The following CCDC192 variants were observed in gnomAD, a reference collection of about 807,000 sequenced individuals.
CCDC192 encodes coiled-coil domain containing 192.
intron 6 of CCDC192, among the ~76,000 whole-genome samples, chr5:127,895,296 T>C (rs961587460): frequency 5.3e-5 from 8 of 152,180 alleles, no homozygotes; most frequent in Admixed American, 2.0e-4. Flanking sequence ...AGGCCGATTC[T>C]GCTTACTGAC....
intron 3 of CCDC192, among the ~76,000 whole-genome samples, chr5:127,758,280 T>TAG (rs1355126505): frequency 6.6e-6 from 1 of 152,100 alleles, no homozygotes; most frequent in African/African-American, 2.4e-5. Flanking sequence ...GGTCCACTGT[T>TAG]ACAAAGAAAA....
At chr5:127,861,098 T>C (rs763629243) in intron 5 of CCDC192, among the ~76,000 whole-genome samples, 5 of 152,008 alleles carry the variant, frequency 3.3e-5, no homozygotes, top group Non-Finnish European at 5.9e-5. Context: ...AACCTTCACC[T>C]TTCGGGTTCA....
At chr5:127,846,409 C>A (rs2127074406) in intron 5 of CCDC192, among the ~76,000 whole-genome samples, 1 of 152,188 alleles carries the variant, frequency 6.6e-6, no homozygotes, top group East Asian at 1.9e-4. Context: ...CGTTTTCACC[C>A]CACACACCCC....
At chr5:127,803,831 T>A (rs1021332880) in intron 5 of CCDC192, among the ~76,000 whole-genome samples, 1 of 152,232 alleles carries the variant, frequency 6.6e-6, no homozygotes, top group African/African-American at 2.4e-5. Flanking sequence ...TCAAGTGTGA[T>A]GTTATTCTCT....
chr5:127,792,739 G>T (rs1184615044), intron 3 of CCDC192, among the ~76,000 whole-genome samples: 1 of 150,634 alleles, frequency 6.6e-6, no homozygotes, highest in Admixed American at 6.6e-5. Context: ...GGAGGAGAAG[G>T]AAAAGGAGAA....
chr5:127,775,954 T>C (rs1561481889), intron 3 of CCDC192, among the ~76,000 whole-genome samples: 2 of 152,240 alleles, frequency 1.3e-5, no homozygotes, highest in Non-Finnish European at 2.9e-5. Flanking sequence ...TGTGAGTCCA[T>C]GAAACCTCTT....
At chr5:127,809,313 A>G (rs1315048247) in intron 5 of CCDC192, among the ~76,000 whole-genome samples, 1 of 152,222 alleles carries the variant, frequency 6.6e-6, no homozygotes, top group Non-Finnish European at 1.5e-5. Context: ...ATCAGGAAAA[A>G]AAATAGAATA....
chr5:127,915,581 C>T (rs1753497099), intron 6 of CCDC192, among the ~76,000 whole-genome samples: 1 of 152,194 alleles, frequency 6.6e-6, no homozygotes, highest in Non-Finnish European at 1.5e-5. Context: ...CAGGGTTTCA[C>T]CATGTTGGCC....
chr5:127,798,624 T>C (rs1436190322), intron 5 of CCDC192, among the ~76,000 whole-genome samples: 1 of 152,138 alleles, frequency 6.6e-6, no homozygotes, highest in Admixed American at 6.6e-5. Context: ...GGCCTGGGAA[T>C]TTGCACTTTT....
chr5:127,872,059 C>A (rs1751886665), intron 5 of CCDC192, among the ~76,000 whole-genome samples: 1 of 152,046 alleles, frequency 6.6e-6, no homozygotes, highest in Admixed American at 6.6e-5. Flanking sequence ...ATGTCTATGA[C>A]TAATAAAAAA....
At chr5:127,714,467 C>T (rs1413243717) in intron 2 of CCDC192, among the ~76,000 whole-genome samples, 1 of 152,176 alleles carries the variant, frequency 6.6e-6, no homozygotes, top group Non-Finnish European at 1.5e-5. Flanking sequence ...TGGCTCACTG[C>T]AACCTCTGCC....
chr5:127,745,957 A>C (rs1030497599), intron 2 of CCDC192, among the ~76,000 whole-genome samples: 4 of 151,492 alleles, frequency 2.6e-5, no homozygotes, highest in African/African-American at 7.3e-5. Flanking sequence ...CCACATATCC[A>C]CCTCCCAGAC....
At chr5:127,713,821 A>G (rs1014646441) in intron 2 of CCDC192, among the ~76,000 whole-genome samples, 10 of 152,216 alleles carry the variant, frequency 6.6e-5, no homozygotes, top group African/African-American at 2.4e-4. Flanking sequence ...TAGCATATCT[A>G]TTACGTCAGA....
intron 5 of CCDC192, among the ~76,000 whole-genome samples, chr5:127,840,442 C>T (rs1750230542): frequency 6.6e-6 from 1 of 152,122 alleles, no homozygotes; most frequent in Non-Finnish European, 1.5e-5. Context: ...AGCACATTTG[C>T]AGTCTTTTTT....
At chr5:127,912,321 C>T (rs1043286139) in intron 6 of CCDC192, among the ~76,000 whole-genome samples, 1 of 145,850 alleles carries the variant, frequency 6.9e-6, no homozygotes, top group Admixed American at 7.1e-5. Context: ...AGTAGCCTCC[C>T]CTTAAAGCAT....
intron 5 of CCDC192, among the ~76,000 whole-genome samples, chr5:127,845,453 C>T (rs183695920): frequency 1.1e-4 from 16 of 152,168 alleles, no homozygotes; most frequent in Admixed American, 9.8e-4. Context: ...AGTAATAGGA[C>T]GAGGAAACCA....
At chr5:127,841,339 C>T (rs543816622) in intron 5 of CCDC192, among the ~76,000 whole-genome samples, 1 of 152,312 alleles carries the variant, frequency 6.6e-6, no homozygotes, top group East Asian at 1.9e-4. Flanking sequence ...AAGTGCATTA[C>T]TTTCTCTCAG....
chr5:127,772,579 T>C (rs1447892017), intron 3 of CCDC192, among the ~76,000 whole-genome samples: 1 of 151,868 alleles, frequency 6.6e-6, no homozygotes, highest in Non-Finnish European at 1.5e-5. Context: ...TTCCAAGCAA[T>C]AAGCAGTCAA....
chr5:127,807,589 C>G (rs1757860120), intron 5 of CCDC192, among the ~76,000 whole-genome samples: 1 of 152,070 alleles, frequency 6.6e-6, no homozygotes, highest in Non-Finnish European at 1.5e-5. Context: ...GTCCTTCAGT[C>G]AATCAAAGGA....
Sources: gnomAD v4.1 joint callset for allele counts (sites outside exome capture counted in the v4.1 genomes callset) on GRCh38, gnomAD v4.1.1 for gene constraint, MANE v1.5 for transcripts, NCBI Gene and HGNC (gene_info 2026-07-23, HGNC 2026-07-21) for gene names.